Variants in EEFSEC observed in about 807,000 individuals in gnomAD.
EEFSEC encodes selenocysteine-specific elongation factor.
EEFSEC carries 43 observed loss-of-function variants against 42.1 expected under a neutral mutation model. The ratio of observed to expected loss-of-function variants is 1.02; its 90% CI spans 0.80 to 1.32. The LOEUF is 1.32. Ranked by LOEUF, EEFSEC falls within the 40% of genes most tolerant of loss-of-function variation. The pLI is 0.00. For synonymous variants in EEFSEC, 354 were observed against 339.1 expected (o/e 1.04, Z -0.48); for missense variants, 745 against 803.6 (o/e 0.93, Z 0.88).
chr3:128,341,984 C>T (rs905895539), intron 5 of EEFSEC, 95 bp downstream of exon 5: 4 of 1,456,792 alleles, frequency 2.7e-6, no homozygotes, highest in Non-Finnish European at 3.6e-6. Context: ...CCAGAAAGGC[C>T]CTCAGAGACC....
chr3:128,215,865 G>A (rs952338310), intron 1 of EEFSEC, among the ~76,000 whole-genome samples: 6 of 152,134 alleles, frequency 3.9e-5, no homozygotes, highest in Admixed American at 2.0e-4. Context: ...CACAGAAAGA[G>A]ATATTTCCTA....
chr3:128,198,756 T>A (rs1017093320), intron 1 of EEFSEC, among the ~76,000 whole-genome samples: 1 of 152,054 alleles, frequency 6.6e-6, no homozygotes, highest in Non-Finnish European at 1.5e-5. Flanking sequence ...ATCACTTGGA[T>A]GTGGAGGTGC....
chr3:128,305,527 CTG>C (rs200194762), intron 4 of EEFSEC, among the ~76,000 whole-genome samples: 1,785 of 152,252 alleles, frequency 0.012, 17 homozygotes, highest in Non-Finnish European at 0.016. Context: ...ATAACTTAAA[CTG>C]TTTTCCTTTG....
At chr3:128,281,879 G>A (rs1319867696) in intron 4 of EEFSEC, among the ~76,000 whole-genome samples, 2 of 152,224 alleles carry the variant, frequency 1.3e-5, no homozygotes, top group Non-Finnish European at 2.9e-5. Flanking sequence ...GTGGGAAGCT[G>A]GGGCGTTCCC....
At chr3:128,190,746 A>G (rs1435133636) in intron 1 of EEFSEC, among the ~76,000 whole-genome samples, 1 of 152,164 alleles carries the variant, frequency 6.6e-6, no homozygotes, top group African/African-American at 2.4e-5. Context: ...CAGTCCTGTA[A>G]GCTCCATTTA....
At chr3:128,412,787 C>G (rs935066985), downstream of EEFSEC, among the ~76,000 whole-genome samples, 3 of 152,154 alleles carry the variant, frequency 2.0e-5, no homozygotes, top group African/African-American at 7.2e-5. Flanking sequence ...GGAGTTGGGG[C>G]GGAGGCAGCA....
chr3:128,256,550 G>T (rs2066243709), intron 2 of EEFSEC, among the ~76,000 whole-genome samples: 1 of 152,196 alleles, frequency 6.6e-6, no homozygotes, highest in African/African-American at 2.4e-5. Flanking sequence ...GGCCAGGCTG[G>T]TCTGGGGCTT....
chr3:128,369,935 C>T (rs2067634215), intron 6 of EEFSEC, among the ~76,000 whole-genome samples: 1 of 152,200 alleles, frequency 6.6e-6, no homozygotes, highest in Admixed American at 6.5e-5. Flanking sequence ...AACCACAACG[C>T]AGTTACCACT....
At chr3:128,243,050 A>T (rs2066089210) in intron 1 of EEFSEC, among the ~76,000 whole-genome samples, 1 of 152,224 alleles carries the variant, frequency 6.6e-6, no homozygotes, top group Admixed American at 6.5e-5. Flanking sequence ...GATGAAGAAA[A>T]GAAAGTAACT....
chr3:128,411,420 G>T (rs935260722), downstream of EEFSEC, among the ~76,000 whole-genome samples: 1 of 152,244 alleles, frequency 6.6e-6, no homozygotes, highest in African/African-American at 2.4e-5. Context: ...GCTGCCTGCA[G>T]CTGCCCCAGA....
chr3:128,324,737 C>G (rs990985627), intron 4 of EEFSEC, among the ~76,000 whole-genome samples: 2 of 152,162 alleles, frequency 1.3e-5, no homozygotes, highest in African/African-American at 4.8e-5. Flanking sequence ...ACCAGGCCCT[C>G]AATTCTTTTT....
chr3:128,162,833 T>C (rs2065203945), intron 1 of EEFSEC, among the ~76,000 whole-genome samples: 1 of 152,206 alleles, frequency 6.6e-6, no homozygotes, highest in South Asian at 2.1e-4. Flanking sequence ...TGCTGGAAGG[T>C]TATAATCAAA....
intron 5 of EEFSEC, among the ~76,000 whole-genome samples, chr3:128,347,562 T>C (rs1259049007): frequency 6.6e-6 from 1 of 152,134 alleles, no homozygotes; most frequent in Non-Finnish European, 1.5e-5. Context: ...ATGAATTTGA[T>C]TAAACCAACA....
At chr3:128,375,399 A>G (rs902036586) in intron 6 of EEFSEC, among the ~76,000 whole-genome samples, 4 of 152,138 alleles carry the variant, frequency 2.6e-5, no homozygotes, top group African/African-American at 7.2e-5. Flanking sequence ...CACCCTCGCC[A>G]TGGGCACAAA....
intron 1 of EEFSEC, among the ~76,000 whole-genome samples, chr3:128,155,586 C>T (rs1240905267): frequency 6.6e-6 from 1 of 152,160 alleles, no homozygotes; most frequent in Non-Finnish European, 1.5e-5. Flanking sequence ...CTGCTGACCC[C>T]AGTACCTGAT....
intron 4 of EEFSEC, among the ~76,000 whole-genome samples, chr3:128,318,703 GC>G (rs1458325989): frequency 2.0e-5 from 3 of 152,240 alleles, no homozygotes; most frequent in African/African-American, 7.2e-5. Context: ...CAGCATGGCT[GC>G]CCATGGCAAG....
At chr3:128,351,833 T>G (rs1363946855) in intron 5 of EEFSEC, among the ~76,000 whole-genome samples, 3 of 152,178 alleles carry the variant, frequency 2.0e-5, no homozygotes, top group African/African-American at 7.2e-5. Context: ...GGCTAATAAA[T>G]AGAGCAAATT....
At position 128,395,110 on chromosome 3, in the gene EEFSEC, G is replaced by A. The variant is rs776441673; in HGVS notation, c.1601-12959G>A. 2.6e-4 allele frequency among the ~76,000 whole-genome samples: 40 copies of A among 152,308 alleles called. 1 individual carries two copies. Among genetic ancestry groups the A allele is most frequent in the Middle Eastern group, 3.4e-3 (1 of 294 alleles). ...ATGTCCCTAGAGCATCTATGACCCC[G>A]GGCAGGCCTGTCCCCCTCATTAGAC... On this transcript the variant is annotated intron_variant, in intron 6 of 6. Coordinates refer to ENST00000254730, the MANE Select transcript of EEFSEC (RefSeq NM_021937.5).
chr3:128,347,425 G>GA (rs1440513739), intron 5 of EEFSEC, among the ~76,000 whole-genome samples: 3 of 152,068 alleles, frequency 2.0e-5, no homozygotes, highest in Non-Finnish European at 4.4e-5. Context: ...GGAAATAGTT[G>GA]GTATCCTGTT....
Sources: gnomAD v4.1 joint callset for allele counts (sites outside exome capture counted in the v4.1 genomes callset) on GRCh38, gnomAD v4.1.1 for gene constraint, MANE v1.5 for transcripts, NCBI Gene and HGNC (gene_info 2026-07-23, HGNC 2026-07-21) for gene names.